The following CNTN4 variants were observed in gnomAD, a reference collection of about 807,000 sequenced individuals.
CNTN4 encodes contactin-4.
A neutral mutation model predicts 122.5 loss-of-function variants in CNTN4; 77 were observed. The observed-to-expected ratio is 0.63, with a 90% CI of 0.52 to 0.76. CNTN4 has a LOEUF of 0.76. Ranked by LOEUF, CNTN4 falls within the 30% of genes least tolerant of loss-of-function variation. CNTN4 has a pLI of 0.00. For synonymous variants in CNTN4, 512 were observed against 447.0 expected (o/e 1.15, Z -1.83); for missense variants, 1,256 against 1,259.1 (o/e 1.00, Z 0.04).
chr3:2,660,918 T>C (rs2083859103), intron 4 of CNTN4, among the ~76,000 whole-genome samples: 1 of 152,240 alleles, frequency 6.6e-6, no homozygotes, highest in African/African-American at 2.4e-5. Flanking sequence ...CAAAATGATT[T>C]ACTAAAGGTC....
chr3:2,401,971 G>T (rs1313484746), intron 3 of CNTN4, among the ~76,000 whole-genome samples: 2 of 152,132 alleles, frequency 1.3e-5, no homozygotes, highest in Non-Finnish European at 2.9e-5. Context: ...TATTAGAGCT[G>T]CCCTTGGGGC....
chr3:2,899,626 A>G (rs1315212911), intron 10 of CNTN4, among the ~76,000 whole-genome samples: 1 of 152,178 alleles, frequency 6.6e-6, no homozygotes, highest in East Asian at 1.9e-4. Context: ...TCTATTGAAA[A>G]TAAGGAAAGA....
At chr3:2,393,053 G>GGTTGAT (rs1217426671) in intron 3 of CNTN4, among the ~76,000 whole-genome samples, 1 of 152,172 alleles carries the variant, frequency 6.6e-6, no homozygotes, top group Non-Finnish European at 1.5e-5. Context: ...CAAGTTGGCA[G>GGTTGAT]GTTGATTACT....
At chr3:2,880,562 C>G (rs1231588397) in intron 8 of CNTN4, among the ~76,000 whole-genome samples, 1 of 152,176 alleles carries the variant, frequency 6.6e-6, no homozygotes, top group East Asian at 1.9e-4. Context: ...TTTACCAGGC[C>G]AGCTTTGTGC....
At chr3:2,166,954 A>G (rs2036221157) in intron 2 of CNTN4, among the ~76,000 whole-genome samples, 1 of 152,234 alleles carries the variant, frequency 6.6e-6, no homozygotes, top group South Asian at 2.1e-4. Flanking sequence ...ACGAGAAAAT[A>G]TAAACAAACA....
chr3:2,786,609 G>C (rs2091842713), intron 6 of CNTN4, among the ~76,000 whole-genome samples: 1 of 152,120 alleles, frequency 6.6e-6, no homozygotes, highest in African/African-American at 2.4e-5. Flanking sequence ...ACCATCTCCT[G>C]ATTACCTGAA....
At chr3:2,668,075 G>T (rs2084278012) in intron 4 of CNTN4, among the ~76,000 whole-genome samples, 1 of 152,106 alleles carries the variant, frequency 6.6e-6, no homozygotes, top group Non-Finnish European at 1.5e-5. Context: ...GGCGATGCGG[G>T]CTCTTTTTTG....
intron 2 of CNTN4, chr3:2,238,923 C>T (rs1322920289): frequency 7.8e-6 from 1 of 127,694 alleles, no homozygotes; most frequent in Non-Finnish European, 1.7e-5. Context: ...GACGGGGTTT[C>T]ACCGTGTTAG....
chr3:2,188,978 G>C (rs1318986260), intron 2 of CNTN4, among the ~76,000 whole-genome samples: 3 of 152,140 alleles, frequency 2.0e-5, no homozygotes, highest in Non-Finnish European at 1.5e-5. Flanking sequence ...CACTGCAGCT[G>C]CTCTGGTTGC....
intron 2 of CNTN4, among the ~76,000 whole-genome samples, chr3:2,218,845 GCAATTC>G (rs1396310915): frequency 6.6e-6 from 1 of 152,130 alleles, no homozygotes; most frequent in African/African-American, 2.4e-5. Flanking sequence ...TTTTCCTAGA[GCAATTC>G]CAATTTTGCT....
intron 4 of CNTN4, among the ~76,000 whole-genome samples, chr3:2,657,447 A>G (rs941029316): frequency 6.6e-6 from 1 of 152,144 alleles, no homozygotes; most frequent in African/African-American, 2.4e-5. Context: ...AGCACAGCAA[A>G]CTTATTTGCT....
At chr3:2,884,092 C>T (rs533556855) in intron 9 of CNTN4, among the ~76,000 whole-genome samples, 1 of 151,452 alleles carries the variant, frequency 6.6e-6, no homozygotes, top group Non-Finnish European at 1.5e-5. Flanking sequence ...AAGGCAACAA[C>T]AGTAACTTTT....
chr3:2,803,874 A>G (rs2092403771), intron 6 of CNTN4, among the ~76,000 whole-genome samples: 1 of 152,002 alleles, frequency 6.6e-6, no homozygotes, highest in Non-Finnish European at 1.5e-5. Context: ...ATTCTTATGA[A>G]GAACCGTTAC....
chr3:2,405,507 A>G (rs1290017432), intron 3 of CNTN4, among the ~76,000 whole-genome samples: 1 of 152,138 alleles, frequency 6.6e-6, no homozygotes, highest in East Asian at 1.9e-4. Flanking sequence ...AAAGCTGCAA[A>G]ATTGGAGCAA....
intron 8 of CNTN4, among the ~76,000 whole-genome samples, chr3:2,881,553 G>A (rs928279436): frequency 4.7e-5 from 7 of 149,918 alleles, no homozygotes; most frequent in Non-Finnish European, 7.4e-5. Context: ...CCACCTCTGC[G>A]AAGTGAGTGA....
chr3:2,461,872 A>C (rs1244249061), intron 3 of CNTN4, among the ~76,000 whole-genome samples: 2 of 152,178 alleles, frequency 1.3e-5, no homozygotes, highest in East Asian at 3.9e-4. Context: ...CACAGCTGCC[A>C]AGCTAAGCAG....
At chr3:2,844,670 A>G (rs1013037625) in intron 7 of CNTN4, among the ~76,000 whole-genome samples, 1 of 152,204 alleles carries the variant, frequency 6.6e-6, no homozygotes, top group Non-Finnish European at 1.5e-5. Context: ...AATCAACTAC[A>G]ATTAGAAGTC....
At chr3:2,386,567 T>C (rs2046264457) in intron 3 of CNTN4, among the ~76,000 whole-genome samples, 1 of 152,240 alleles carries the variant, frequency 6.6e-6, no homozygotes, top group African/African-American at 2.4e-5. Context: ...GCAGTCATTT[T>C]TGGAGACGTT....
At chr3:2,549,104 A>G (rs1269616406) in intron 3 of CNTN4, among the ~76,000 whole-genome samples, 6 of 125,934 alleles carry the variant, frequency 4.8e-5, no homozygotes, top group Non-Finnish European at 4.0e-5. Flanking sequence ...TAAATATACA[A>G]TCATGTCGGG....
Sources: gnomAD v4.1 joint callset for allele counts (sites outside exome capture counted in the v4.1 genomes callset) on GRCh38, gnomAD v4.1.1 for gene constraint, MANE v1.5 for transcripts, NCBI Gene and HGNC (gene_info 2026-07-23, HGNC 2026-07-21) for gene names.